The following RBFOX1 variants were observed in gnomAD, a reference collection of about 807,000 sequenced individuals.
The protein encoded by RBFOX1 is RNA binding fox-1 homolog 1, also known as RNA binding protein fox-1 homolog 1.
In RBFOX1, 8 loss-of-function variants were observed where a neutral mutation model predicts 57.7. The ratio of observed to expected loss-of-function variants is 0.14; its 90% CI spans 0.08 to 0.25. The LOEUF is 0.25. Ranked by LOEUF, RBFOX1 falls within the 10% of genes least tolerant of loss-of-function variation. RBFOX1 has a pLI of 1.00. For synonymous variants in RBFOX1, 326 were observed against 222.4 expected, an observed-to-expected ratio of 1.47 and a Z score of -4.15; for missense variants, 611 against 548.5, an observed-to-expected ratio of 1.11 and a Z score of -1.14.
chr16:7,279,072 G>A (rs764947759), intron 4 of RBFOX1, among the ~76,000 whole-genome samples: 9 of 150,550 alleles, frequency 6.0e-5, no homozygotes, highest in South Asian at 2.1e-4. Flanking sequence ...TAAAAGTGAC[G>A]TAGGTTTCTG....
At chr16:6,484,725 G>C (rs773513670) in intron 2 of RBFOX1, among the ~76,000 whole-genome samples, 2 of 152,006 alleles carry the variant, frequency 1.3e-5, no homozygotes, top group African/African-American at 2.4e-5. Context: ...TACTTAAGAG[G>C]GCTCCAAGCA....
intron 3 of RBFOX1, among the ~76,000 whole-genome samples, chr16:6,891,720 C>G (rs9938280): frequency 6.6e-6 from 1 of 152,122 alleles, no homozygotes; most frequent in South Asian, 2.1e-4. Flanking sequence ...TTCATCTGAA[C>G]GTGGAACGCA....
At chr16:5,545,030 G>T (rs895032908) in intron 2 of RBFOX1, among the ~76,000 whole-genome samples, 8 of 129,506 alleles carry the variant, frequency 6.2e-5, no homozygotes, top group African/African-American at 2.4e-4. Flanking sequence ...AGGCTGGAGT[G>T]TAGTGGAGCA....
Position 6,994,904 on chromosome 16 carries a change from C to G in RBFOX1, c.-15-57153C>G, listed in dbSNP as rs1014341128. Among the ~76,000 whole-genome samples, 15 of 152,062 alleles carry G rather than the reference C, an allele frequency of 9.9e-5. No homozygotes were observed. In the South Asian group the frequency reaches 2.9e-3, roughly 30 times the overall value. ...TCCAAATTAACTTGGATATCTCTAT[C>G]AGAACATATCCCTGATTGGGCATGT... On this transcript the variant is annotated intron_variant, in intron 3 of 15. Transcript: ENST00000550418.
In RBFOX1 at chr16:7,520,602, C is replaced by T. The variant is rs144708296; in HGVS notation, c.270+2213C>T. 1.9e-3 allele frequency among the ~76,000 whole-genome samples: 284 copies of T among 152,278 alleles called. 1 individual carries two copies. The highest frequency in any genetic ancestry group is 6.0e-3 in the African/African-American group (251 of 41,562). ...CCATTGATGGATATTTGGGTTGTCT[C>T]CACATTCTGGTTCTTCTGAACACTC... On this transcript the variant is annotated intron_variant, in intron 5 of 15. Transcript: ENST00000550418.
chr16:7,160,666 A>G (rs1364088991), intron 4 of RBFOX1, among the ~76,000 whole-genome samples: 1 of 151,988 alleles, frequency 6.6e-6, no homozygotes. Context: ...TTTGAGGCAT[A>G]ATCTTCATCT....
intron 4 of RBFOX1, among the ~76,000 whole-genome samples, chr16:7,170,918 T>C (rs1290767353): frequency 1.3e-5 from 2 of 152,200 alleles, no homozygotes; most frequent in Non-Finnish European, 2.9e-5. Context: ...GCCATCTGGT[T>C]GGGTCTGTCT....
chr16:6,405,118 A>G (rs964216256), intron 2 of RBFOX1, among the ~76,000 whole-genome samples: 1 of 152,212 alleles, frequency 6.6e-6, no homozygotes, highest in Non-Finnish European at 1.5e-5. Flanking sequence ...AACTTATTGT[A>G]AAATTTGCAC....
At chr16:6,188,178 C>T (rs1296188305) in intron 1 of RBFOX1, among the ~76,000 whole-genome samples, 1 of 152,068 alleles carries the variant, frequency 6.6e-6, no homozygotes, top group Non-Finnish European at 1.5e-5. Context: ...GATAAAAAAT[C>T]CATATATAAG....
At chr16:6,897,879 C>G (rs563986640) in intron 3 of RBFOX1, among the ~76,000 whole-genome samples, 4 of 152,262 alleles carry the variant, frequency 2.6e-5, no homozygotes, top group South Asian at 2.1e-4. Context: ...CCTTCATACC[C>G]TATATCCCCA....
chr16:6,098,577 C>G (rs1489386797), intron 1 of RBFOX1, among the ~76,000 whole-genome samples: 3 of 152,224 alleles, frequency 2.0e-5, no homozygotes, highest in African/African-American at 7.2e-5. Context: ...TGCAGAAACC[C>G]TGCTTCAGTC....
chr16:6,525,448 A>G (rs1365129263), intron 2 of RBFOX1, among the ~76,000 whole-genome samples: 1 of 152,212 alleles, frequency 6.6e-6, no homozygotes, highest in Admixed American at 6.5e-5. Context: ...AGGTATCTTA[A>G]AAGTCAATGA....
intron 1 of RBFOX1, among the ~76,000 whole-genome samples, chr16:6,300,889 T>G (rs116629428): frequency 0.024 from 3,584 of 152,286 alleles, 143 homozygotes; most frequent in African/African-American, 0.082. Context: ...TGAGCTTGTT[T>G]AGAAAATGGA....
intron 4 of RBFOX1, among the ~76,000 whole-genome samples, chr16:7,426,033 G>A (rs1286520638): frequency 6.6e-6 from 1 of 152,188 alleles, no homozygotes; most frequent in East Asian, 1.9e-4. Flanking sequence ...CGGATGTCGG[G>A]AGAGACCCAC....
chr16:5,373,196 G>A (rs1024121651), intron 1 of RBFOX1, among the ~76,000 whole-genome samples: 5 of 152,156 alleles, frequency 3.3e-5, no homozygotes, highest in African/African-American at 1.2e-4. Context: ...CCTTGTGGGA[G>A]TTTGTTTTTA....
At chr16:6,441,328 G>A (rs1178839829) in intron 2 of RBFOX1, among the ~76,000 whole-genome samples, 1 of 152,190 alleles carries the variant, frequency 6.6e-6, no homozygotes, top group Non-Finnish European at 1.5e-5. Context: ...TGTGTACATA[G>A]CTTCCCCTAA....
chr16:5,659,452 C>T (rs543248871), intron 3 of RBFOX1, among the ~76,000 whole-genome samples: 19 of 151,786 alleles, frequency 1.3e-4, no homozygotes, highest in South Asian at 6.3e-4. Flanking sequence ...TACAGGTGCC[C>T]GCCACCATGC....
At chr16:7,289,417 A>C (rs1242860765) in intron 4 of RBFOX1, among the ~76,000 whole-genome samples, 1 of 152,138 alleles carries the variant, frequency 6.6e-6, no homozygotes, top group Non-Finnish European at 1.5e-5. Flanking sequence ...CACCATTATC[A>C]TCATCACCAT....
intron 11 of RBFOX1, among the ~76,000 whole-genome samples, chr16:7,646,015 C>T (rs1336848816): frequency 6.7e-6 from 1 of 149,038 alleles, no homozygotes; most frequent in Non-Finnish European, 1.5e-5. Context: ...AAAAACCTTT[C>T]CATTTTTGTT....
Sources: allele counts gnomAD v4.1 joint callset (sites outside exome capture counted in the v4.1 genomes callset), GRCh38; gene constraint gnomAD v4.1.1; transcripts MANE v1.5; gene names NCBI Gene and HGNC (gene_info 2026-07-23, HGNC 2026-07-21).